Variants in EGF observed in about 807,000 individuals in gnomAD.
EGF encodes pro-epidermal growth factor.
A neutral mutation model predicts 143.8 loss-of-function variants in EGF; 95 were observed. That is an observed-to-expected ratio of 0.66 (90% CI 0.56 to 0.78). The LOEUF (loss-of-function observed/expected upper bound fraction) is 0.78. Ranked by LOEUF, EGF falls within the 30% of genes least tolerant of loss-of-function variation. The probability of loss-of-function intolerance (pLI) is 0.00; values close to 1 mark genes in which losing one functional copy is unlikely to be tolerated. For synonymous variants in EGF, 510 were observed against 510.5 expected (o/e 1.00, Z 0.01); for missense variants, 1,320 against 1,470.9 (o/e 0.90, Z 1.68).
At chr4:109,920,864 G>A (rs2237042) in intron 1 of EGF, among the ~76,000 whole-genome samples, 8,096 of 151,624 alleles carry the variant, frequency 0.053, 382 homozygotes, top group East Asian at 0.19. Context: ...TAGATATTAG[G>A]TGAACTAAGA....
chr4:109,987,767 G>A lies in EGF; in HGVS notation c.2515G>A (p.Gly839Arg), dbSNP rs763156901. 11 of 1,613,712 alleles carry A rather than the reference G, an allele frequency of 6.8e-6. No individual in the cohort carries two copies. The highest frequency in any genetic ancestry group is 5.3e-5 in the African/African-American group (4 of 74,874). The stretch of plus-strand genomic sequence containing the variant: ...AGATCAAGATGACTGTGCTCCTGTG[G>A]GATGCAGCATGTATGCTCGGTGTAT... ...VSDQDDCAPV[G>R]CSMYARCISE... The change falls in exon 17 of 24, where the codon GGA (glycine) becomes AGA (arginine). Residue 839 changes from glycine to arginine, a missense_variant. Coordinates refer to ENST00000265171, the MANE Select transcript of EGF (RefSeq NM_001963.6).
At chr4:109,932,363 A>ATATATATATATATATATATATATATT (rs1739884527) in intron 1 of EGF, among the ~76,000 whole-genome samples, 1 of 123,194 alleles carries the variant, frequency 8.1e-6, no homozygotes, top group Non-Finnish European at 1.7e-5. Flanking sequence ...ATTTAGTCAT[A>ATATATATATATATATATATATATATT]TATATATATA....
chr4:110,008,348 A>G (rs2126198626), intron 23 of EGF, 118 bp downstream of exon 23: 2 of 1,279,554 alleles, frequency 1.6e-6, no homozygotes, highest in African/African-American at 1.5e-5. Flanking sequence ...ACTAAATTGT[A>G]TAAGCTATGT....
intron 22 of EGF, among the ~76,000 whole-genome samples, chr4:110,006,820 T>C (rs1226885121): frequency 2.6e-5 from 4 of 152,212 alleles, no homozygotes; most frequent in Non-Finnish European, 5.9e-5. Context: ...GTCATAACTG[T>C]CGTTGACAGC....
chr4:110,002,329 T>C (rs1251480195), intron 21 of EGF, among the ~76,000 whole-genome samples: 2 of 152,042 alleles, frequency 1.3e-5, no homozygotes, highest in African/African-American at 2.4e-5. Context: ...CTGCCTCTAC[T>C]AAAATTACAA....
chr4:109,986,086 G>T (rs1447187455), intron 16 of EGF, among the ~76,000 whole-genome samples: 1 of 152,102 alleles, frequency 6.6e-6, no homozygotes, highest in Non-Finnish European at 1.5e-5. Flanking sequence ...TTTTAGAGAA[G>T]AGGAATGTGA....
intron 1 of EGF, among the ~76,000 whole-genome samples, chr4:109,933,062 C>T (rs1740076623): frequency 6.6e-6 from 1 of 152,156 alleles, no homozygotes; most frequent in South Asian, 2.1e-4. Flanking sequence ...TGTAGTCCTC[C>T]ACAATTAATA....
In EGF at chr4:109,968,673, C is replaced by CATCTATCT. The variant is rs10530188; in HGVS notation, c.1576-268_1576-261dup. On this transcript the variant is annotated intron_variant, in intron 10 of 23. Transcript: ENST00000265171. The stretch of plus-strand genomic sequence containing the variant: ...ATATATGTATATTTATATCTATATA[C>CATCTATCT]ATCTATCTATCTATCTATCTATCTA... 22,687 of 350,070 alleles carry CATCTATCT rather than the reference C, an allele frequency of 0.065. 685 individuals carry two copies. Among genetic ancestry groups the CATCTATCT allele is most frequent in the Middle Eastern group, 0.094 (93 of 994 alleles). 21.7% of individuals were successfully genotyped at this position (350,070 alleles called of 1,614,324 possible).
intron 1 of EGF, among the ~76,000 whole-genome samples, chr4:109,934,969 G>C (rs1331081096): frequency 9.2e-5 from 14 of 152,118 alleles, no homozygotes. Context: ...CTGTAGCCTT[G>C]TAGTGTATTT....
intron 13 of EGF, among the ~76,000 whole-genome samples, chr4:109,977,904 G>T (rs187001368): frequency 6.6e-6 from 1 of 152,100 alleles, no homozygotes; most frequent in Non-Finnish European, 1.5e-5. Context: ...GACATAAAAA[G>T]GTAGAAAGGA....
At chr4:109,959,280 C>T (rs566637639) in intron 5 of EGF, 32 bp from the exon 6 acceptor site, 14 of 1,613,428 alleles carry the variant, frequency 8.7e-6, no homozygotes, top group Non-Finnish European at 1.1e-5. Flanking sequence ...CAAAACACGG[C>T]CCCACTCCAA....
chr4:109,931,847 G>C (rs556958941), intron 1 of EGF, among the ~76,000 whole-genome samples: 2 of 152,292 alleles, frequency 1.3e-5, no homozygotes, highest in South Asian at 4.1e-4. Context: ...GCTAGGATCT[G>C]TATGCTATGA....
chr4:109,980,172 T>C (rs1204591272), intron 14 of EGF, 33 bp downstream of exon 14: 1 of 1,554,418 alleles, frequency 6.4e-7, no homozygotes, highest in East Asian at 2.3e-5. Flanking sequence ...AGTCTTTCCT[T>C]GGCTGGAATC....
At chr4:109,979,677 C>T (rs1050174283) in intron 13 of EGF, among the ~76,000 whole-genome samples, 1 of 152,124 alleles carries the variant, frequency 6.6e-6, no homozygotes, top group Non-Finnish European at 1.5e-5. Context: ...CACCTTTCTC[C>T]TTCATGGGGC....
intron 10 of EGF, among the ~76,000 whole-genome samples, chr4:109,964,945 T>C (rs1197540833): frequency 6.6e-6 from 1 of 152,108 alleles, no homozygotes; most frequent in African/African-American, 2.4e-5. Flanking sequence ...ATTAGTAATT[T>C]GTGTTTTACA....
chr4:109,955,265 A>T (rs1579597296), intron 5 of EGF, among the ~76,000 whole-genome samples: 1 of 151,640 alleles, frequency 6.6e-6, no homozygotes, highest in African/African-American at 2.4e-5. Flanking sequence ...TGGACATTAA[A>T]CTCCATGATT....
intron 7 of EGF, among the ~76,000 whole-genome samples, chr4:109,961,235 G>A (rs1440133996): frequency 1.3e-5 from 2 of 151,934 alleles, no homozygotes. Flanking sequence ...CCATGCCAGT[G>A]GTCCCAGCTA....
At chr4:109,988,187 CA>C (rs1750424727) in intron 17 of EGF, among the ~76,000 whole-genome samples, 1 of 143,552 alleles carries the variant, frequency 7.0e-6, no homozygotes, top group Non-Finnish European at 1.5e-5. Flanking sequence ...CCAATGAAAA[CA>C]CAACTTTTTT....
At chr4:110,008,377 G>GA (rs1322611877) in intron 23 of EGF, 147 bp downstream of exon 23, 1 of 1,018,356 alleles carries the variant, frequency 9.8e-7, no homozygotes, top group Non-Finnish European at 1.5e-6. Context: ...GGGCTGTATT[G>GA]AAATGCCATG....
Sources: gnomAD v4.1 joint callset for allele counts (sites outside exome capture counted in the v4.1 genomes callset) on GRCh38, gnomAD v4.1.1 for gene constraint, MANE v1.5 for transcripts, NCBI Gene and HGNC (gene_info 2026-07-23, HGNC 2026-07-21) for gene names.